UBE2E2: variants seen among roughly 807,000 people sequenced by gnomAD.
UBE2E2 encodes ubiquitin conjugating enzyme E2 E2.
UBE2E2 carries 6 observed loss-of-function variants against 24.7 expected under a neutral mutation model. That is an observed-to-expected ratio of 0.24 (90% confidence interval 0.13 to 0.48). The LOEUF is 0.48. Among genes scored for constraint, UBE2E2 ranks in the 20% least tolerant of loss-of-function variants. The pLI is 0.99. For synonymous variants in UBE2E2, 104 were observed against 83.6 expected (o/e 1.24, Z -1.33); for missense variants, 169 against 245.0 (o/e 0.69, Z 2.07).
chr3:23,287,988 G>C (rs1698664802), intron 3 of UBE2E2, among the ~76,000 whole-genome samples: 1 of 151,590 alleles, frequency 6.6e-6, no homozygotes, highest in African/African-American at 2.4e-5. Flanking sequence ...GTTTGCTCTT[G>C]CTTTTCTGGT....
intron 3 of UBE2E2, among the ~76,000 whole-genome samples, chr3:23,372,105 A>G (rs1237532702): frequency 6.6e-6 from 1 of 152,184 alleles, no homozygotes; most frequent in Non-Finnish European, 1.5e-5. Context: ...GTTACGAGTG[A>G]GACTCCGCCT....
At chr3:23,424,156 T>C (rs1488066023) in intron 3 of UBE2E2, among the ~76,000 whole-genome samples, 2 of 152,168 alleles carry the variant, frequency 1.3e-5, no homozygotes, top group Non-Finnish European at 2.9e-5. Context: ...CTTCAGAAAA[T>C]ACCCAATTGA....
At chr3:23,392,657 TAAAC>T (rs1335833450) in intron 3 of UBE2E2, among the ~76,000 whole-genome samples, 6 of 152,174 alleles carry the variant, frequency 3.9e-5, no homozygotes, top group East Asian at 1.9e-4. Context: ...GTTAATTAAA[TAAAC>T]AAATATATGA....
At chr3:23,516,653 T>G (rs1349351723) in intron 4 of UBE2E2, among the ~76,000 whole-genome samples, 1 of 152,098 alleles carries the variant, frequency 6.6e-6, no homozygotes, top group Non-Finnish European at 1.5e-5. Flanking sequence ...ATGAAAAAAT[T>G]TATTCTTGTA....
intron 5 of UBE2E2, among the ~76,000 whole-genome samples, chr3:23,560,008 G>A (rs1695883029): frequency 6.6e-6 from 1 of 151,906 alleles, no homozygotes; most frequent in African/African-American, 2.4e-5. Flanking sequence ...CTCCCACTCT[G>A]TATCTGTTTA....
rs1553634256 is a variant in UBE2E2, at chr3:23,246,237, T to TTTTTTTTTC, written c.227+28925_227+28926insTTTTTTTTC. On this transcript the variant is annotated intron_variant, in intron 3 of 5. Coordinates refer to ENST00000396703, the MANE Select transcript of UBE2E2 (RefSeq NM_152653.4). The stretch of plus-strand genomic sequence containing the variant: ...TGCGTGGCTAATTTTTTTTTTTTTT[T>TTTTTTTTTC]CGAGATGGAGTCTCGCTCTGTCGCC... 5.3e-3 allele frequency among the ~76,000 whole-genome samples: 745 copies of TTTTTTTTTC among 139,430 alleles called. 24 individuals are homozygous for TTTTTTTTTC. Among genetic ancestry groups the TTTTTTTTTC allele is most frequent in the African/African-American group, 0.017 (650 of 37,202 alleles). The allele number at this position is 139,430 out of a possible 152,430, so 91.5% of individuals were successfully genotyped here. A position where few individuals can be genotyped will look rare whatever the true frequency, so the allele number is the denominator to read the frequency against.
At chr3:23,500,452 A>AT (rs2125456338) in intron 4 of UBE2E2, among the ~76,000 whole-genome samples, 1 of 152,282 alleles carries the variant, frequency 6.6e-6, no homozygotes, top group South Asian at 2.1e-4. Flanking sequence ...TCTACTGCCT[A>AT]TAAGTCGGAT....
intron 5 of UBE2E2, among the ~76,000 whole-genome samples, chr3:23,544,432 A>G (rs1695469115): frequency 1.3e-5 from 2 of 152,256 alleles, no homozygotes; most frequent in Non-Finnish European, 1.5e-5. Flanking sequence ...ACAAACGGCC[A>G]AGAAACATAT....
chr3:23,366,285 A>T (rs1016522900), intron 3 of UBE2E2, among the ~76,000 whole-genome samples: 4 of 152,236 alleles, frequency 2.6e-5, no homozygotes, highest in Non-Finnish European at 5.9e-5. Flanking sequence ...CAGAAATACC[A>T]TTCAACCCAG....
chr3:23,346,858 T>C lies in UBE2E2; in HGVS notation c.227+129546T>C, dbSNP rs542031050. 1.1e-4 allele frequency among the ~76,000 whole-genome samples: 17 copies of C among 152,334 alleles called. No homozygotes were observed. The East Asian group carries it at 3.3e-3, about 29-fold the overall frequency. ...AAAACTTCTAATTCACCTTGCTTTC[T>C]GAAGGAGAAGACTAAGTTACATATG... On this transcript the variant is annotated intron_variant, in intron 3 of 5. Coordinates refer to ENST00000396703, the MANE Select transcript of UBE2E2 (RefSeq NM_152653.4).
chr3:23,216,369 G>T (rs1013460), intron 2 of UBE2E2, among the ~76,000 whole-genome samples: 88,852 of 151,912 alleles, frequency 0.58, 26,399 homozygotes, highest in South Asian at 0.67. Context: ...TCTTGTTTTG[G>T]TTTTTAAAGA....
intron 3 of UBE2E2, among the ~76,000 whole-genome samples, chr3:23,441,368 CAAAA>C (rs752204801): frequency 9.7e-6 from 1 of 103,254 alleles, no homozygotes. Context: ...ACTAAAAATC[CAAAA>C]AAAAAAAAAA....
chr3:23,375,393 T>C (rs1315396251), intron 3 of UBE2E2, among the ~76,000 whole-genome samples: 2 of 152,196 alleles, frequency 1.3e-5, no homozygotes, highest in African/African-American at 4.8e-5. Context: ...ATGGTGTGTT[T>C]TTGAGTTTTC....
At chr3:23,487,805 ATTTC>A (rs1188322564) in intron 3 of UBE2E2, among the ~76,000 whole-genome samples, 2 of 152,290 alleles carry the variant, frequency 1.3e-5, no homozygotes, top group African/African-American at 2.4e-5. Context: ...TACAAAAGAT[ATTTC>A]TTTATTATTC....
At chr3:23,300,886 C>T (rs527718885) in intron 3 of UBE2E2, among the ~76,000 whole-genome samples, 8 of 152,294 alleles carry the variant, frequency 5.3e-5, no homozygotes, top group African/African-American at 1.9e-4. Context: ...TGTTTTCCCA[C>T]TTGGTTCCAT....
chr3:23,536,692 A>G (rs1695271905), intron 5 of UBE2E2, among the ~76,000 whole-genome samples: 1 of 152,240 alleles, frequency 6.6e-6, no homozygotes, highest in Admixed American at 6.5e-5. Context: ...TCTTTGATAT[A>G]TGGAATTTAG....
intron 3 of UBE2E2, among the ~76,000 whole-genome samples, chr3:23,264,601 GA>G: frequency 6.6e-6 from 1 of 152,282 alleles, no homozygotes; most frequent in Admixed American, 6.5e-5. Flanking sequence ...CATTTGGTAA[GA>G]ATTCTGTGAG....
intron 3 of UBE2E2, among the ~76,000 whole-genome samples, chr3:23,456,052 A>G (rs1312951944): frequency 6.6e-6 from 1 of 152,202 alleles, no homozygotes; most frequent in South Asian, 2.1e-4. Context: ...CTTTGTTGAC[A>G]TTGCAACAGT....
chr3:23,347,120 T>C (rs1183021771), intron 3 of UBE2E2, among the ~76,000 whole-genome samples: 2 of 152,200 alleles, frequency 1.3e-5, no homozygotes, highest in Non-Finnish European at 2.9e-5. Context: ...TGTAAACTAG[T>C]TCAACCATTG....
Sources: allele counts gnomAD v4.1 joint callset (sites outside exome capture counted in the v4.1 genomes callset), GRCh38; gene constraint gnomAD v4.1.1; transcripts MANE v1.5; gene names NCBI Gene and HGNC (gene_info 2026-07-23, HGNC 2026-07-21).